The following UMAD1 variants were observed in gnomAD, a reference collection of about 807,000 sequenced individuals.
UMAD1 encodes the protein UBAP1-MVB12-associated (UMA)-domain containing protein 1.
In UMAD1, 8 loss-of-function variants were observed where a neutral mutation model predicts 6.1. The observed-to-expected ratio is 1.30, with a 90% CI of 0.76 to 2.35. The LOEUF is 2.35. Ranked by LOEUF, UMAD1 falls within the 30% of genes most tolerant of loss-of-function variation. UMAD1 has a pLI of 0.00. For synonymous variants in UMAD1, 56 were observed against 31.4 expected, an observed-to-expected ratio of 1.78 and a Z score of -2.61; for missense variants, 130 against 78.4, an observed-to-expected ratio of 1.66 and a Z score of -2.49.
At chr7:7,847,104 A>AATATATATATAT (rs1170307529) in intron 3 of UMAD1, among the ~76,000 whole-genome samples, 1 of 6,616 alleles carries the variant, frequency 1.5e-4, no homozygotes, top group Non-Finnish European at 2.3e-4. Flanking sequence ...AAAAAAAAAA[A>AATATATATATAT]ATATATATAT....
At chr7:7,758,197 C>T (rs1781816803) in intron 2 of UMAD1, among the ~76,000 whole-genome samples, 2 of 152,036 alleles carry the variant, frequency 1.3e-5, no homozygotes, top group African/African-American at 4.8e-5. Context: ...GCATGAGCCA[C>T]CGCGTTTGGC....
intron 2 of UMAD1, among the ~76,000 whole-genome samples, chr7:7,797,605 A>C (rs1166512042): frequency 1.3e-5 from 2 of 151,800 alleles, no homozygotes; most frequent in African/African-American, 4.8e-5. Flanking sequence ...CCCCTCAACC[A>C]TCCTCACCCA....
chr7:7,832,251 T>C (rs921134237), intron 3 of UMAD1, among the ~76,000 whole-genome samples: 7 of 152,246 alleles, frequency 4.6e-5, no homozygotes, highest in Non-Finnish European at 1.0e-4. Context: ...AAGGTTTTAT[T>C]GGTTTTTCTT....
intron 2 of UMAD1, among the ~76,000 whole-genome samples, chr7:7,770,556 G>C (rs1293442442): frequency 6.6e-6 from 1 of 152,164 alleles, no homozygotes; most frequent in Non-Finnish European, 1.5e-5. Context: ...GCAGAAATTA[G>C]AGAGAAAAGA....
chr7:7,731,546 C>T (rs1324590058), intron 2 of UMAD1, among the ~76,000 whole-genome samples: 1 of 147,676 alleles, frequency 6.8e-6, no homozygotes, highest in Non-Finnish European at 1.5e-5. Flanking sequence ...AAGATTGGCT[C>T]ATTTTGCATT....
chr7:7,821,585 CA>C (rs1291124822), intron 3 of UMAD1, among the ~76,000 whole-genome samples: 2 of 152,164 alleles, frequency 1.3e-5, no homozygotes, highest in Non-Finnish European at 2.9e-5. Flanking sequence ...AACCTCTGAA[CA>C]GTCAATTCTT....
intron 3 of UMAD1, among the ~76,000 whole-genome samples, chr7:7,869,586 C>G (rs1476931497): frequency 6.6e-6 from 1 of 152,152 alleles, no homozygotes; most frequent in Non-Finnish European, 1.5e-5. Context: ...TAGCATACTA[C>G]TTTATCTCTG....
chr7:7,769,677 G>A (rs766101212), intron 2 of UMAD1, among the ~76,000 whole-genome samples: 5 of 152,266 alleles, frequency 3.3e-5, no homozygotes, highest in African/African-American at 7.2e-5. Context: ...AGGGGGAAGT[G>A]CATTTATGTA....
At chr7:7,684,528 T>C (rs1294549539) in intron 2 of UMAD1, among the ~76,000 whole-genome samples, 1 of 152,244 alleles carries the variant, frequency 6.6e-6, no homozygotes, top group South Asian at 2.1e-4. Context: ...AATTTTTTTT[T>C]CTGAATAATT....
chr7:7,766,637 C>G (rs1051309868), intron 2 of UMAD1, among the ~76,000 whole-genome samples: 3 of 152,066 alleles, frequency 2.0e-5, no homozygotes, highest in Non-Finnish European at 2.9e-5. Flanking sequence ...TTTTTTCCTT[C>G]TTATATTGTG....
intron 2 of UMAD1, among the ~76,000 whole-genome samples, chr7:7,749,263 T>G (rs925642244): frequency 6.6e-6 from 1 of 152,212 alleles, no homozygotes; most frequent in Non-Finnish European, 1.5e-5. Context: ...TAAATGGTTT[T>G]GACACATTTT....
chr7:7,795,583 C>A lies in UMAD1; in HGVS notation c.83-6087C>A, dbSNP rs565994622. 5.1e-3 allele frequency among the ~76,000 whole-genome samples: 779 copies of A among 152,276 alleles called. 10 individuals carry two copies. The highest frequency in any genetic ancestry group is 0.016 in the South Asian group (75 of 4,828). On this transcript the variant is annotated intron_variant, in intron 2 of 3. Transcript: ENST00000682710. ...ACAGGCAGAGCAGCTGCGAGGGCTG[C>A]TGGTTGGCTATTTTTATGGTTATTT...
chr7:7,744,849 TA>T (rs1446759424), intron 2 of UMAD1, among the ~76,000 whole-genome samples: 5 of 152,164 alleles, frequency 3.3e-5, no homozygotes, highest in African/African-American at 1.2e-4. Context: ...GATTTGCAAA[TA>T]TTTTTTCCCA....
intron 2 of UMAD1, among the ~76,000 whole-genome samples, chr7:7,741,719 A>T (rs1459713192): frequency 6.6e-6 from 1 of 151,766 alleles, no homozygotes; most frequent in Admixed American, 6.6e-5. Flanking sequence ...AACAAACTTA[A>T]ACCACTGATT....
intron 3 of UMAD1, among the ~76,000 whole-genome samples, chr7:7,874,267 C>T (rs1347304817): frequency 6.6e-6 from 1 of 152,230 alleles, no homozygotes; most frequent in Non-Finnish European, 1.5e-5. Context: ...CTCTAATCGA[C>T]TTCATAAGTA....
At chr7:7,865,248 G>A (rs956271443) in intron 3 of UMAD1, among the ~76,000 whole-genome samples, 3 of 152,210 alleles carry the variant, frequency 2.0e-5, no homozygotes, top group South Asian at 2.1e-4. Context: ...TGAAATGGGC[G>A]CAGCCTTGTG....
intron 2 of UMAD1, among the ~76,000 whole-genome samples, chr7:7,770,978 C>T (rs1271123928): frequency 2.0e-5 from 3 of 151,732 alleles, no homozygotes; most frequent in Non-Finnish European, 4.4e-5. Context: ...GATAAGATCC[C>T]CTAGAGATGG....
chr7:7,802,359 A>T (rs558042162), intron 3 of UMAD1, among the ~76,000 whole-genome samples: 1 of 148,014 alleles, frequency 6.8e-6, no homozygotes, highest in South Asian at 2.1e-4. Context: ...GCCTGGCGAC[A>T]GAGCGAGACT....
chr7:7,649,611 T>C (rs1785177156), intron 1 of UMAD1, among the ~76,000 whole-genome samples: 1 of 152,216 alleles, frequency 6.6e-6, no homozygotes, highest in African/African-American at 2.4e-5. Flanking sequence ...TGCATTGATT[T>C]TTTTGTTACT....
Sources: gnomAD v4.1 joint callset for allele counts (sites outside exome capture counted in the v4.1 genomes callset) on GRCh38, gnomAD v4.1.1 for gene constraint, MANE v1.5 for transcripts, NCBI Gene and HGNC (gene_info 2026-07-23, HGNC 2026-07-21) for gene names.